The following HECW1 variants were observed in gnomAD, a reference collection of about 807,000 sequenced individuals.
The protein encoded by HECW1 is HECT, C2 and WW domain containing E3 ubiquitin protein ligase 1, also known as E3 ubiquitin-protein ligase HECW1.
HECW1 carries 61 observed loss-of-function variants against 182.3 expected under a neutral mutation model. The observed-to-expected ratio is 0.33, with a 90% CI of 0.27 to 0.41. The LOEUF is 0.41. HECW1 is among the 10% of genes least tolerant of loss of function. The pLI is 1.00. For synonymous variants in HECW1, 859 were observed against 832.6 expected (o/e 1.03, Z -0.55); for missense variants, 1,739 against 2,108.9 (o/e 0.82, Z 3.44).
intron 2 of HECW1, among the ~76,000 whole-genome samples, chr7:43,215,184 T>C (rs942093059): frequency 6.6e-6 from 1 of 152,256 alleles, no homozygotes; most frequent in African/African-American, 2.4e-5. Context: ...AGTGACTGTA[T>C]AGGCACCGCC....
At chr7:43,168,656 T>A (rs978224966) in intron 2 of HECW1, among the ~76,000 whole-genome samples, 2 of 151,868 alleles carry the variant, frequency 1.3e-5, no homozygotes, top group African/African-American at 4.8e-5. Flanking sequence ...CAAAACCCTG[T>A]CTCCAAAATA....
chr7:43,238,942 C>T (rs1211283275), intron 2 of HECW1: 1 of 152,068 alleles, frequency 6.6e-6, no homozygotes, highest in Non-Finnish European at 1.5e-5. Context: ...GTGACAATAA[C>T]ACCATAATGT....
At chr7:43,182,165 A>G (rs1792933831) in intron 2 of HECW1, among the ~76,000 whole-genome samples, 1 of 152,080 alleles carries the variant, frequency 6.6e-6, no homozygotes, top group Non-Finnish European at 1.5e-5. Context: ...ATATATTTCC[A>G]CTTGTCTATT....
At chr7:43,214,535 C>T (rs547483360) in intron 2 of HECW1, among the ~76,000 whole-genome samples, 20 of 152,268 alleles carry the variant, frequency 1.3e-4, no homozygotes, top group South Asian at 1.2e-3. Context: ...TAGATGGCAA[C>T]GCTACTTTCC....
chr7:43,311,908 A>G lies in HECW1; in HGVS notation c.173A>G (p.His58Arg). 2 of 1,614,176 alleles carry G rather than the reference A, an allele frequency of 1.2e-6. No individual in the cohort carries two copies. The highest frequency in any genetic ancestry group is 1.7e-6 in the Non-Finnish European group (2 of 1,180,030). ...FHNMDLRGGP[H>R]DGVTIPRSTS... is the part of the protein sequence containing the mutation. ...AACATGGACCTCAGGGGCGGCCCCC[A>G]CGATGGCGTCACCATTCCCCGCTCC... The change falls in exon 4 of 30, where the codon CAC becomes CGC. Residue 58 changes from histidine (H) to arginine (R), a missense_variant. Around this residue, in one of 5 missense-constraint regions of HECW1, gnomAD observed 279 missense variants for 353.1 expected, o/e 0.79. Transcript: ENST00000395891.
chr7:43,150,322 A>G (rs957646381), intron 2 of HECW1, among the ~76,000 whole-genome samples: 1 of 152,190 alleles, frequency 6.6e-6, no homozygotes, highest in South Asian at 2.1e-4. Context: ...AATTGATTTC[A>G]GTTAGATTTG....
intron 2 of HECW1, among the ~76,000 whole-genome samples, chr7:43,186,739 T>A (rs146822216): frequency 4.6e-5 from 7 of 152,256 alleles, no homozygotes; most frequent in African/African-American, 1.4e-4. Context: ...TAGATATGCT[T>A]AGATGCACAA....
intron 3 of HECW1, among the ~76,000 whole-genome samples, chr7:43,249,675 A>T (rs1281711481): frequency 6.6e-6 from 1 of 152,198 alleles, no homozygotes; most frequent in Non-Finnish European, 1.5e-5. Flanking sequence ...GCCAAAAAAC[A>T]TGCGTGTGTA....
chr7:43,189,837 G>A (rs6958416), intron 2 of HECW1, among the ~76,000 whole-genome samples: 34,773 of 151,970 alleles, frequency 0.23, 4,220 homozygotes, highest in Middle Eastern at 0.26. Flanking sequence ...TGTCAGTCAG[G>A]GTCACCTCAC....
Position 43,562,150 on chromosome 7 carries a change from G to C in HECW1, c.*224G>C. Reference sequence around the variant, plus strand: ...TCTGTTTTCAATGAACTGCTAGCCTGTATGCAATATTAAAAAACAGCTGTC... The same window carrying C: ...TCTGTTTTCAATGAACTGCTAGCCTCTATGCAATATTAAAAAACAGCTGTC... On this transcript the variant is annotated 3_prime_UTR_variant, in exon 30 of 30. Transcript: ENST00000395891. The C allele has an allele frequency of 2.1e-6, 1 of 480,560 alleles. No homozygotes were observed. The highest frequency in any genetic ancestry group is 3.7e-6 in the Non-Finnish European group (1 of 267,562). The allele number at this position is 480,560 out of a possible 1,614,324, so 29.8% of individuals were successfully genotyped here.
chr7:43,201,445 CA>C (rs1795007688), intron 2 of HECW1, among the ~76,000 whole-genome samples: 1 of 152,206 alleles, frequency 6.6e-6, no homozygotes, highest in African/African-American at 2.4e-5. Context: ...GCCCAGAAGT[CA>C]AATTGAGAAT....
At chr7:43,372,471 A>C (rs927886266) in intron 6 of HECW1, among the ~76,000 whole-genome samples, 9 of 152,010 alleles carry the variant, frequency 5.9e-5, no homozygotes, top group Admixed American at 1.3e-4. Flanking sequence ...TGCACCCATT[A>C]ACTCGTCGTT....
In HECW1 at chr7:43,389,936, C is replaced by A. The variant is rs189784273; in HGVS notation, c.556-6878C>A. ...GTGTGAGCCACCCACCTGGCCCCCT[C>A]ATTATTTTTAGTAAGCTAAAAGCAG... On this transcript the variant is annotated intron_variant, in intron 6 of 29. Coordinates refer to ENST00000395891, the MANE Select transcript of HECW1 (RefSeq NM_015052.5). Among the ~76,000 whole-genome samples the A allele has an allele frequency of 2.6e-3, 401 of 152,272 alleles. 1 individual carries two copies. The highest frequency in any genetic ancestry group is 9.2e-3 in the African/African-American group (381 of 41,556).
intron 2 of HECW1, among the ~76,000 whole-genome samples, chr7:43,160,523 A>G (rs1290693321): frequency 6.6e-6 from 1 of 152,152 alleles, no homozygotes; most frequent in Non-Finnish European, 1.5e-5. Context: ...TCCTAGAGGC[A>G]CGCGTTGAGT....
intron 3 of HECW1, among the ~76,000 whole-genome samples, chr7:43,296,685 C>T (rs552564255): frequency 1.3e-5 from 2 of 152,096 alleles, no homozygotes; most frequent in South Asian, 2.1e-4. Context: ...AGGCCAAATG[C>T]GAACTAATGG....
At chr7:43,155,843 A>G (rs1285408238) in intron 2 of HECW1, among the ~76,000 whole-genome samples, 2 of 152,242 alleles carry the variant, frequency 1.3e-5, no homozygotes, top group African/African-American at 4.8e-5. Flanking sequence ...GTCCAGTACA[A>G]CAATCTTACA....
At chr7:43,522,721 C>CT (rs2080549900) in intron 24 of HECW1, among the ~76,000 whole-genome samples, 1 of 152,148 alleles carries the variant, frequency 6.6e-6, no homozygotes, top group Non-Finnish European at 1.5e-5. Context: ...ACCAAACCCC[C>CT]TATTAGCTGT....
At chr7:43,330,028 GGAA>G (rs905652113) in intron 5 of HECW1, among the ~76,000 whole-genome samples, 30 of 152,160 alleles carry the variant, frequency 2.0e-4, no homozygotes, top group Non-Finnish European at 3.2e-4. Context: ...AGGAGCAAGA[GGAA>G]GAAGAAGAGA....
chr7:43,391,642 G>T (rs1035389667), intron 6 of HECW1, among the ~76,000 whole-genome samples: 1 of 152,098 alleles, frequency 6.6e-6, no homozygotes. Context: ...TTTTGTTTAG[G>T]CCCCTAAAGT....
Sources: allele counts gnomAD v4.1 joint callset (sites outside exome capture counted in the v4.1 genomes callset), GRCh38; gene constraint gnomAD v4.1.1; regional missense constraint gnomAD v4.1.1; transcripts MANE v1.5; gene names NCBI Gene and HGNC (gene_info 2026-07-23, HGNC 2026-07-21).